The following USF2 variants were observed in gnomAD, a reference collection of about 807,000 sequenced individuals.
USF2 encodes the protein upstream stimulatory factor 2.
Under a neutral mutation model 46.9 loss-of-function variants are expected in USF2, and 16 were observed. The ratio of observed to expected loss-of-function variants is 0.34; its 90% confidence interval spans 0.23 to 0.52. The LOEUF is 0.52. Ranked by LOEUF, USF2 falls within the 20% of genes least tolerant of loss-of-function variation. USF2 has a pLI of 0.96. For missense variants in USF2, 411 were observed against 474.0 expected (o/e 0.87, Z 1.23); for synonymous variants, 239 against 194.1 (o/e 1.23, Z -1.92).
At chr19:35,271,880 G>C (rs573914670) in intron 7 of USF2, among the ~76,000 whole-genome samples, 1 of 152,204 alleles carries the variant, frequency 6.6e-6, no homozygotes, top group African/African-American at 2.4e-5. Context: ...TATGTCTCAT[G>C]GGTCTCATGG....
chr19:35,271,120 A>C lies in USF2; in HGVS notation c.706A>C (p.Arg236=), dbSNP rs1703301074. 6.2e-7 allele frequency: 1 copy of C among 1,613,472 alleles called. No individual in the cohort carries two copies. The highest frequency in any genetic ancestry group is 8.5e-7 in the Non-Finnish European group (1 of 1,179,906). ...AACCAGAACACCCCGAGATGAGAGGAGAAGAGCCCAGCACAACGAAGGTGA... is the reference window on the plus strand; with the variant it reads ...AACCAGAACACCCCGAGATGAGAGGCGAAGAGCCCAGCACAACGAAGGTGA... The part of the protein sequence containing the change: ...DGTRTPRDER[R]RAQHNEVERR... The change falls in exon 7 of 10, where the codon AGA becomes CGA. Residue 236 remains arginine (R), a synonymous_variant. Coordinates refer to ENST00000222305, the MANE Select transcript of USF2 (RefSeq NM_003367.4).
chr19:35,269,130 C>G lies in USF2; in HGVS notation c.29C>G (p.Pro10Arg). The change falls in exon 1 of 10, where the codon CCC (proline) becomes CGC (arginine). Residue 10 changes from proline to arginine, a missense_variant. Transcript: ENST00000222305. ...GACATGCTGGACCCGGGTCTGGATC[C>G]CGCTGCCTCGGCCACCGCTGCTGCC... is the stretch of plus-strand genomic sequence containing the variant. MDMLDPGLD[P>R]AASATAAAAA... The G allele has an allele frequency of 1.1e-6, 1 of 870,072 alleles. No individual in the cohort carries two copies. The highest frequency in any genetic ancestry group is 1.4e-6 in the Non-Finnish European group (1 of 715,332). 53.9% of individuals were successfully genotyped at this position (870,072 alleles called of 1,614,324 possible).
chr19:35,271,858 G>A (rs1441865644), intron 7 of USF2, among the ~76,000 whole-genome samples: 1 of 152,220 alleles, frequency 6.6e-6, no homozygotes, highest in African/African-American at 2.4e-5. Flanking sequence ...GAGGCTCAAA[G>A]GCCTGAGGGC....
At chr19:35,269,774 C>G in intron 3 of USF2, 29 bp from the exon 4 acceptor site, 2 of 1,488,700 alleles carry the variant, frequency 1.3e-6, no homozygotes, top group Non-Finnish European at 1.8e-6. Flanking sequence ...GCCCCAGCGC[C>G]GGCCTCGCCG....
chr19:35,273,855 G>A (rs2066193854), intron 7 of USF2, among the ~76,000 whole-genome samples: 1 of 152,226 alleles, frequency 6.6e-6, no homozygotes, highest in Non-Finnish European at 1.5e-5. Context: ...TGTTTCATAA[G>A]GTCCGGCCCC....
chr19:35,270,082 G>T, intron 4 of USF2, 79 bp downstream of exon 4: 1 of 1,326,414 alleles, frequency 7.5e-7, no homozygotes, highest in Non-Finnish European at 9.6e-7. Context: ...GGAGCCCCGG[G>T]GGTGGGGCAG....
chr19:35,272,488 G>T (rs555312935), intron 7 of USF2, among the ~76,000 whole-genome samples: 1 of 152,144 alleles, frequency 6.6e-6, no homozygotes, highest in African/African-American at 2.4e-5. Flanking sequence ...AGCCAGGGCC[G>T]CCATGGTGTG....
chr19:35,270,782 C>A lies in USF2; in HGVS notation c.645C>A (p.Ala215=), dbSNP rs764837991. Residue 215 remains alanine (A), a synonymous_variant, in exon 6 of 10, where the codon GCC becomes GCA. Transcript: ENST00000222305. ...VLQTGTQRTI[A]PRTHPYSPKI... ...AGACAGGAACACAGAGGACGATCGC[C>A]CCCCGGACACACCCTTACTCTCCGT... 6.2e-7 allele frequency: 1 copy of A among 1,613,974 alleles called. No homozygotes were observed. The highest frequency in any genetic ancestry group is 1.7e-5 in the Admixed American group (1 of 60,000).
At chr19:35,276,479 A>G (rs2066235135) in intron 7 of USF2, among the ~76,000 whole-genome samples, 1 of 152,340 alleles carries the variant, frequency 6.6e-6, no homozygotes, top group African/African-American at 2.4e-5. Context: ...CCGAAGCCAC[A>G]GGCTGGACAG....
Position 35,278,976 on chromosome 19 carries a change from G to A in USF2, c.853G>A (p.Asp285Asn). The change falls in exon 9 of 10, where the codon GAT (aspartate) becomes AAT (asparagine). Residue 285 changes from aspartate (D) to asparagine (N), a missense_variant. Asp to Asn is a conservative substitution (Grantham distance 23, BLOSUM62 1). This residue lies in a region of USF2 where 93 missense variants were observed against 151.6 expected (regional missense o/e 0.61). Coordinates refer to ENST00000222305, the MANE Select transcript of USF2 (RefSeq NM_003367.4). ...AGGAGGGATCCTGTCCAAGGCCTGC[G>A]ATTACATCCGGGAGTTGCGCCAGAC... ...SKGGILSKAC[D>N]YIRELRQTNQ... The A allele has an allele frequency of 1.3e-6, 2 of 1,554,630 alleles. No individual in the cohort carries two copies. The highest frequency in any genetic ancestry group is 1.2e-5 in the South Asian group (1 of 81,988).
rs1297545203 is a variant in USF2, at chr19:35,279,707, C to G, written c.*451C>G. ...CTCTTGTTTCTGGGTCCCTGCTCCC[C>G]TTTGGGGGTGTGTGTGTGTGTTTTA... On this transcript the variant is annotated 3_prime_UTR_variant, in exon 10 of 10. Coordinates refer to ENST00000222305, the MANE Select transcript of USF2 (RefSeq NM_003367.4). The G allele has an allele frequency of 5.5e-6, 1 of 182,650 alleles. No individual in the cohort carries two copies. Among genetic ancestry groups the G allele is most frequent in the Non-Finnish European group, 1.1e-5 (1 of 88,718 alleles). 11.3% of individuals were successfully genotyped at this position (182,650 alleles called of 1,614,324 possible).
At chr19:35,278,336 A>G (rs780672963) in intron 7 of USF2, 50 of 245,108 alleles carry the variant, frequency 2.0e-4, no homozygotes, top group Non-Finnish European at 3.5e-4. Context: ...CCAGAGCTCC[A>G]TTTCTCAAAA....
intron 5 of USF2, 48 bp from the exon 6 acceptor site, chr19:35,270,670 G>C (rs770095405): frequency 1.9e-6 from 3 of 1,612,858 alleles, no homozygotes; most frequent in South Asian, 2.2e-5. Flanking sequence ...CCCCCAGCCA[G>C]TTCTGACTTC....
intron 7 of USF2, among the ~76,000 whole-genome samples, chr19:35,276,201 C>T (rs569757708): frequency 1.7e-4 from 26 of 150,822 alleles, no homozygotes; most frequent in South Asian, 8.4e-4. Context: ...CCTCCCAAGT[C>T]GCTGGGATTA....
chr19:35,278,123 T>G (rs969036602), intron 7 of USF2: 3 of 152,600 alleles, frequency 2.0e-5, no homozygotes, highest in African/African-American at 7.2e-5. Context: ...GGATCTGCCA[T>G]TGCCCTGTGG....
In USF2 at chr19:35,278,452, C is replaced by T. The variant is rs2066264504; in HGVS notation, c.728-246C>T. The T allele has an allele frequency of 1.9e-5, 9 of 481,638 alleles. No homozygotes were observed. In the South Asian group the frequency reaches 2.5e-4, roughly 13 times the overall value. 29.8% of individuals were successfully genotyped at this position (481,638 alleles called of 1,614,324 possible). ...GGCCTGCAAAATGATCTCCAAGTGC[C>T]TGGCCTTTGATGCCCGTCCTAAAAG... On this transcript the variant is annotated intron_variant, in intron 7 of 9. Coordinates refer to ENST00000222305, the MANE Select transcript of USF2 (RefSeq NM_003367.4).
intron 7 of USF2, among the ~76,000 whole-genome samples, chr19:35,273,309 T>C (rs2066184705): frequency 6.6e-6 from 1 of 152,098 alleles, no homozygotes; most frequent in Non-Finnish European, 1.5e-5. Flanking sequence ...TGGCCTCCTT[T>C]GCTGTCTGGG....
chr19:35,270,086 G>T, intron 4 of USF2, 83 bp downstream of exon 4: 1 of 1,321,170 alleles, frequency 7.6e-7, no homozygotes, highest in South Asian at 2.0e-5. Flanking sequence ...CCCCGGGGGT[G>T]GGGCAGGTGT....
At chr19:35,273,482 G>C (rs10419261) in intron 7 of USF2, among the ~76,000 whole-genome samples, 28 of 152,196 alleles carry the variant, frequency 1.8e-4, no homozygotes, top group South Asian at 4.2e-4. Flanking sequence ...TGGGGGTGCC[G>C]GGGAATCTGT....
Sources: gnomAD v4.1 joint callset for allele counts (sites outside exome capture counted in the v4.1 genomes callset) on GRCh38, gnomAD v4.1.1 for gene constraint, gnomAD v4.1.1 regional missense constraint, MANE v1.5 for transcripts, NCBI Gene and HGNC (gene_info 2026-07-23, HGNC 2026-07-21) for gene names.